The following ANO10 variants were observed in gnomAD, a reference collection of about 807,000 sequenced individuals.
ANO10 encodes anoctamin-10.
ANO10 carries 77 observed loss-of-function variants against 74.7 expected under a neutral mutation model. That is an observed-to-expected ratio of 1.03 (90% CI 0.86 to 1.25). The LOEUF (loss-of-function observed/expected upper bound fraction) is 1.25. Ranked by LOEUF, ANO10 falls within the 50% of genes most tolerant of loss-of-function variation. The pLI, the probability that ANO10 is intolerant of heterozygous loss-of-function variation, is 0.00. For synonymous variants in ANO10, 279 were observed against 284.9 expected (o/e 0.98, Z 0.21); for missense variants, 721 against 778.1 (o/e 0.93, Z 0.87).
chr3:43,614,800 T>TGAAG (rs1385932324), intron 1 of ANO10, among the ~76,000 whole-genome samples: 1 of 138,096 alleles, frequency 7.2e-6, no homozygotes, highest in African/African-American at 2.6e-5. Flanking sequence ...TATATATATA[T>TGAAG]ATAGGTTCAT....
At chr3:43,370,521 G>A (rs771322919) in intron 12 of ANO10, among the ~76,000 whole-genome samples, 10 of 132,378 alleles carry the variant, frequency 7.6e-5, no homozygotes, top group Admixed American at 1.6e-4. Context: ...TCAGTTCTTT[G>A]GCTTCTTCTC....
At chr3:43,518,305 C>A (rs2077797252) in intron 11 of ANO10, among the ~76,000 whole-genome samples, 1 of 152,146 alleles carries the variant, frequency 6.6e-6, no homozygotes, top group Non-Finnish European at 1.5e-5. Context: ...ATTTATCACT[C>A]CCCCAATCAA....
chr3:43,564,466 G>A (rs1325859889), intron 8 of ANO10, among the ~76,000 whole-genome samples: 2 of 151,590 alleles, frequency 1.3e-5, no homozygotes, highest in Non-Finnish European at 2.9e-5. Flanking sequence ...CAAAACCACT[G>A]CTACTTCTTG....
chr3:43,408,158 T>G (rs2092608336), intron 12 of ANO10, among the ~76,000 whole-genome samples: 1 of 152,156 alleles, frequency 6.6e-6, no homozygotes, highest in African/African-American at 2.4e-5. Context: ...ACTGGTAGTC[T>G]AGATATCATG....
intron 8 of ANO10, 70 bp from the exon 9 acceptor site, chr3:43,561,472 T>A (rs183660225): frequency 7.4e-7 from 1 of 1,349,556 alleles, no homozygotes; most frequent in Non-Finnish European, 1.0e-6. Context: ...GTATAAATTA[T>A]ATATAAATTA....
At chr3:43,449,116 A>T (rs1365177463) in intron 11 of ANO10, among the ~76,000 whole-genome samples, 1 of 152,022 alleles carries the variant, frequency 6.6e-6, no homozygotes, top group Non-Finnish European at 1.5e-5. Context: ...ACCTCAAGTG[A>T]TCCACCCACC....
rs781292796 is a variant in ANO10, at chr3:43,561,340, A to C, written c.1356T>G (p.Pro452=). 2.0e-5 allele frequency: 32 copies of C among 1,614,072 alleles called. No individual in the cohort carries two copies. In the East Asian group the frequency reaches 2.9e-4, roughly 15 times the overall value. The change falls in exon 9 of 13, where the codon CCT becomes CCG. Residue 452 remains proline, a synonymous_variant. Coordinates refer to ENST00000292246, the MANE Select transcript of ANO10 (RefSeq NM_018075.5). ...ILNQIMESFL[P]YWLQRKHGVR... is the part of the protein sequence containing the mutation. ...CACCATGCTTCCTTTGGAGCCAATA[A>C]GGAAGAAAAGATTCCATAATTTGGT...
chr3:43,492,336 C>T (rs1487515154), intron 11 of ANO10, among the ~76,000 whole-genome samples: 2 of 152,264 alleles, frequency 1.3e-5, no homozygotes, highest in East Asian at 3.9e-4. Context: ...CCAGAAAAAT[C>T]CTAGAAGAAA....
At chr3:43,502,027 A>G (rs1042835099) in intron 11 of ANO10, among the ~76,000 whole-genome samples, 6 of 152,210 alleles carry the variant, frequency 3.9e-5, no homozygotes, top group African/African-American at 1.4e-4. Flanking sequence ...TGGTGAGAAT[A>G]CGGAGAAATT....
chr3:43,502,502 GCAC>G (rs1282646519), intron 11 of ANO10, among the ~76,000 whole-genome samples: 1 of 152,206 alleles, frequency 6.6e-6, no homozygotes, highest in African/African-American at 2.4e-5. Flanking sequence ...CCTTCACCTT[GCAC>G]CACAAGTGGA....
chr3:43,516,043 G>A (rs1010000246), intron 11 of ANO10, among the ~76,000 whole-genome samples: 7 of 152,106 alleles, frequency 4.6e-5, no homozygotes, highest in African/African-American at 7.2e-5. Context: ...TATAGATCAC[G>A]ACCTTACATT....
At chr3:43,550,960 C>T (rs866907459) in intron 10 of ANO10, among the ~76,000 whole-genome samples, 8 of 152,148 alleles carry the variant, frequency 5.3e-5, no homozygotes, top group South Asian at 2.1e-4. Flanking sequence ...TTCCTACTCC[C>T]TTTTCAGCAT....
intron 12 of ANO10, among the ~76,000 whole-genome samples, chr3:43,413,920 C>T (rs1360476615): frequency 1.3e-5 from 2 of 151,818 alleles, no homozygotes; most frequent in Non-Finnish European, 2.9e-5. Flanking sequence ...CCTGCCTCCC[C>T]ACAAGAGAAG....
intron 11 of ANO10, chr3:43,485,036 T>TG: frequency 7.0e-7 from 1 of 1,431,268 alleles, no homozygotes; most frequent in Non-Finnish European, 9.6e-7. Context: ...CAGGACCCGG[T>TG]GGGGCAGCAG....
intron 11 of ANO10, among the ~76,000 whole-genome samples, chr3:43,487,938 C>A (rs1279270253): frequency 1.3e-5 from 2 of 151,826 alleles, no homozygotes; most frequent in African/African-American, 2.4e-5. Context: ...GCTACAGTAA[C>A]CAAAACAGCA....
At chr3:43,388,596 G>A (rs2092192719) in intron 12 of ANO10, among the ~76,000 whole-genome samples, 1 of 152,120 alleles carries the variant, frequency 6.6e-6, no homozygotes, top group African/African-American at 2.4e-5. Context: ...AAAAAGTTCT[G>A]ATTTTTCCTA....
chr3:43,416,767 TC>T (rs2092744722), intron 12 of ANO10, among the ~76,000 whole-genome samples: 1 of 152,084 alleles, frequency 6.6e-6, no homozygotes, highest in Non-Finnish European at 1.5e-5. Context: ...ATCCACAGGA[TC>T]CCCCATCCAT....
intron 11 of ANO10, among the ~76,000 whole-genome samples, chr3:43,439,926 G>C (rs1467213698): frequency 6.6e-6 from 1 of 152,040 alleles, no homozygotes; most frequent in East Asian, 1.9e-4. Context: ...AAAGTGGTGA[G>C]GGGAAAATGT....
intron 11 of ANO10, among the ~76,000 whole-genome samples, chr3:43,497,699 C>A (rs2076964454): frequency 6.6e-6 from 1 of 152,162 alleles, no homozygotes; most frequent in Admixed American, 6.5e-5. Context: ...TGCCCTCCTA[C>A]AGAACCTTCC....
Sources: allele counts gnomAD v4.1 joint callset (sites outside exome capture counted in the v4.1 genomes callset), GRCh38; gene constraint gnomAD v4.1.1; transcripts MANE v1.5; gene names NCBI Gene and HGNC (gene_info 2026-07-23, HGNC 2026-07-21).